MARCHF3: variants seen among roughly 807,000 people sequenced by gnomAD.
MARCHF3 encodes the protein E3 ubiquitin-protein ligase MARCHF3.
In MARCHF3, 13 loss-of-function variants were observed where a neutral mutation model predicts 24.2. The observed-to-expected ratio is 0.54, with a 90% CI of 0.35 to 0.85. The LOEUF (loss-of-function observed/expected upper bound fraction) is 0.85. Among genes scored for constraint, MARCHF3 ranks in the 40% least tolerant of loss-of-function variants. The pLI is 0.01. For synonymous variants in MARCHF3, 144 were observed against 137.3 expected (o/e 1.05, Z -0.34); for missense variants, 276 against 325.0 (o/e 0.85, Z 1.16).
intron 1 of MARCHF3, among the ~76,000 whole-genome samples, chr5:126,978,488 G>A (rs1033016817): frequency 7.2e-5 from 11 of 152,176 alleles, no homozygotes; most frequent in Admixed American, 7.2e-4. Flanking sequence ...CTAGATAACA[G>A]AGATTTATGA....
intron 1 of MARCHF3, among the ~76,000 whole-genome samples, chr5:127,004,028 G>C (rs1400215888): frequency 1.3e-5 from 2 of 152,164 alleles, no homozygotes; most frequent in Non-Finnish European, 2.9e-5. Flanking sequence ...CCAGCTGCAG[G>C]TGGCACACAG....
intron 1 of MARCHF3, among the ~76,000 whole-genome samples, chr5:126,982,247 C>G (rs1751419392): frequency 6.6e-6 from 1 of 152,208 alleles, no homozygotes; most frequent in South Asian, 2.1e-4. Context: ...TCAGTGACAC[C>G]CCTGGCCTTG....
At chr5:127,014,414 A>G (rs1320148457) in intron 1 of MARCHF3, among the ~76,000 whole-genome samples, 1 of 152,168 alleles carries the variant, frequency 6.6e-6, no homozygotes, top group Admixed American at 6.6e-5. Flanking sequence ...TCAAAAAACT[A>G]AAAACAGAAC....
chr5:126,883,168 C>T (rs1753396528), intron 3 of MARCHF3, among the ~76,000 whole-genome samples: 1 of 152,144 alleles, frequency 6.6e-6, no homozygotes, highest in African/African-American at 2.4e-5. Context: ...CTTGAAGGGT[C>T]TTAAGTTTGA....
At chr5:126,917,045 C>A (rs1345848272) in intron 2 of MARCHF3, among the ~76,000 whole-genome samples, 2 of 152,140 alleles carry the variant, frequency 1.3e-5, no homozygotes, top group Non-Finnish European at 2.9e-5. Flanking sequence ...GGCCACCATG[C>A]CCAGGGTGGG....
chr5:126,983,653 A>C (rs963621649), intron 1 of MARCHF3, among the ~76,000 whole-genome samples: 1 of 152,166 alleles, frequency 6.6e-6, no homozygotes, highest in Non-Finnish European at 1.5e-5. Context: ...TATGATGCTG[A>C]GGTCAGTCCA....
intron 1 of MARCHF3, among the ~76,000 whole-genome samples, chr5:127,019,548 C>T (rs760640223): frequency 6.6e-6 from 1 of 152,176 alleles, no homozygotes; most frequent in Non-Finnish European, 1.5e-5. Context: ...GATCTTGGAA[C>T]GGGGGCAGCT....
chr5:126,987,386 G>C (rs1179563958), intron 1 of MARCHF3, among the ~76,000 whole-genome samples: 1 of 152,190 alleles, frequency 6.6e-6, no homozygotes, highest in East Asian at 1.9e-4. Flanking sequence ...CTGTAACATA[G>C]AATTCCTGCC....
At chr5:127,002,033 G>T (rs1484453636) in intron 1 of MARCHF3, among the ~76,000 whole-genome samples, 5 of 152,314 alleles carry the variant, frequency 3.3e-5, no homozygotes, top group Non-Finnish European at 5.9e-5. Context: ...ACATTCTGGA[G>T]GATATGGAAT....
chr5:126,954,992 G>C (rs1200118298), intron 1 of MARCHF3, among the ~76,000 whole-genome samples: 1 of 152,088 alleles, frequency 6.6e-6, no homozygotes, highest in East Asian at 1.9e-4. Context: ...ACAGCATATA[G>C]TATCATTTTA....
chr5:126,983,167 G>A (rs1332619438), intron 1 of MARCHF3, among the ~76,000 whole-genome samples: 2 of 152,158 alleles, frequency 1.3e-5, no homozygotes, highest in Non-Finnish European at 2.9e-5. Flanking sequence ...GGATGCCACC[G>A]GACACTGCTC....
chr5:126,874,457 A>G (rs1030593783), intron 4 of MARCHF3, among the ~76,000 whole-genome samples: 1 of 152,120 alleles, frequency 6.6e-6, no homozygotes, highest in Non-Finnish European at 1.5e-5. Flanking sequence ...GTGGTGGCAC[A>G]TGCCTGTAAT....
chr5:126,952,458 G>A (rs112639127), intron 1 of MARCHF3, among the ~76,000 whole-genome samples: 3,390 of 152,080 alleles, frequency 0.022, 111 homozygotes, highest in African/African-American at 0.078. Flanking sequence ...GTAACCTCTT[G>A]TAACAATTCT....
At chr5:126,995,489 G>A (rs983242538) in intron 1 of MARCHF3, among the ~76,000 whole-genome samples, 1 of 152,188 alleles carries the variant, frequency 6.6e-6, no homozygotes, top group Non-Finnish European at 1.5e-5. Flanking sequence ...CCTGCCATGT[G>A]TGTTTTCTAT....
At chr5:126,981,022 A>T (rs1751376695) in intron 1 of MARCHF3, among the ~76,000 whole-genome samples, 1 of 152,194 alleles carries the variant, frequency 6.6e-6, no homozygotes, top group African/African-American at 2.4e-5. Flanking sequence ...TGTGCTGCAC[A>T]AAGAATCAGC....
intron 1 of MARCHF3, among the ~76,000 whole-genome samples, chr5:126,941,669 C>G (rs988272478): frequency 6.6e-6 from 1 of 152,090 alleles, no homozygotes; most frequent in Non-Finnish European, 1.5e-5. Flanking sequence ...TGGGTCTGAC[C>G]CCAGGAAAGC....
intron 3 of MARCHF3, among the ~76,000 whole-genome samples, chr5:126,909,785 G>A (rs1296421144): frequency 6.6e-6 from 1 of 152,140 alleles, no homozygotes; most frequent in Admixed American, 6.5e-5. Flanking sequence ...CGTTGCTCAC[G>A]CTGGGAGCTG....
At chr5:126,984,993 A>G (rs1372197169) in intron 1 of MARCHF3, among the ~76,000 whole-genome samples, 1 of 152,132 alleles carries the variant, frequency 6.6e-6, no homozygotes, top group African/African-American at 2.4e-5. Flanking sequence ...CCTGGAAAAA[A>G]GAGGAATAAC....
chr5:126,879,814 G>A (rs1005194167), intron 3 of MARCHF3, among the ~76,000 whole-genome samples: 2 of 152,162 alleles, frequency 1.3e-5, no homozygotes, highest in South Asian at 2.1e-4. Flanking sequence ...AAACACAGAC[G>A]ATGGGGTTGG....
Sources: gnomAD v4.1 joint callset for allele counts (sites outside exome capture counted in the v4.1 genomes callset) on GRCh38, gnomAD v4.1.1 for gene constraint, MANE v1.5 for transcripts, NCBI Gene and HGNC (gene_info 2026-07-23, HGNC 2026-07-21) for gene names.